HNRNPM: variants seen among roughly 807,000 people sequenced by gnomAD.
The protein encoded by HNRNPM is CEA receptor.
Under a neutral mutation model 73.1 loss-of-function variants are expected in HNRNPM, and 11 were observed. That is an observed-to-expected ratio of 0.15 (90% confidence interval 0.09 to 0.25). The LOEUF is 0.25. Among genes scored for constraint, HNRNPM ranks in the 10% least tolerant of loss-of-function variants. The pLI is 1.00. For missense variants in HNRNPM, 789 were observed against 1,067.9 expected (o/e 0.74, Z 3.64); for synonymous variants, 407 against 355.2 (o/e 1.15, Z -1.64).
chr19:8,451,954 A>C (rs1968662028), intron 1 of HNRNPM, among the ~76,000 whole-genome samples: 1 of 152,208 alleles, frequency 6.6e-6, no homozygotes, highest in Non-Finnish European at 1.5e-5. Context: ...AAATGACAAG[A>C]GATAGTTCTA....
Position 8,462,473 on chromosome 19 carries a change from T to G in HNRNPM, c.284-56T>G. On this transcript the variant is annotated intron_variant, in intron 2 of 15. Transcript: ENST00000325495. This position sits in a 1 kb window ranked among gnomAD's most constrained non-coding sequence, Gnocchi z 4.5. ...TGCTGATGATTGTTCTAAATTCCCA[T>G]TGTTTTCTTGGCTTTTCTCCCTTGG... 6.9e-7 allele frequency: 1 copy of G among 1,457,102 alleles called. No individual in the cohort carries two copies. The highest frequency in any genetic ancestry group is 9.6e-7 in the Non-Finnish European group (1 of 1,036,896). 90.3% of individuals were successfully genotyped at this position (1,457,102 alleles called of 1,614,324 possible). A position where few individuals can be genotyped will look rare whatever the true frequency, so the allele number is the denominator to read the frequency against.
At chr19:8,456,104 C>T (rs969068400) in intron 2 of HNRNPM, among the ~76,000 whole-genome samples, 1 of 151,988 alleles carries the variant, frequency 6.6e-6, no homozygotes, top group African/African-American at 2.4e-5. Context: ...TAGGCTTTTT[C>T]CCCTCTGGGA....
chr19:8,480,325 CAG>C (rs1463699548), intron 12 of HNRNPM, among the ~76,000 whole-genome samples: 2 of 124,012 alleles, frequency 1.6e-5, no homozygotes, highest in African/African-American at 5.9e-5. Flanking sequence ...GCCTGGGTGA[CAG>C]AGTGAGACTC....
At position 8,488,936 on chromosome 19, in the gene HNRNPM, T is replaced by G. The variant is rs1186392685; in HGVS notation, c.*82T>G. Reference sequence around the variant, plus strand: ...TAACCATTTTAATTTGTTGGCTGGATGTATAAAGATGTTTAAAAAATTCAG... The same window carrying G: ...TAACCATTTTAATTTGTTGGCTGGAGGTATAAAGATGTTTAAAAAATTCAG... On this transcript the variant is annotated 3_prime_UTR_variant, in exon 16 of 16. Transcript: ENST00000325495. 1.0e-5 allele frequency: 13 copies of G among 1,246,740 alleles called. No homozygotes were observed. Among genetic ancestry groups the G allele is most frequent in the Non-Finnish European group, 1.3e-5 (12 of 900,358 alleles). 77.2% of individuals were successfully genotyped at this position (1,246,740 alleles called of 1,614,324 possible).
At position 8,463,491 on chromosome 19, in the gene HNRNPM, C is replaced by A. The variant is rs762641915; in HGVS notation, c.337-6C>A. 4.3e-6 allele frequency: 7 copies of A among 1,614,040 alleles called. No individual in the cohort carries two copies. The highest frequency in any genetic ancestry group is 5.9e-6 in the Non-Finnish European group (7 of 1,179,936). On this transcript the variant is annotated splice_polypyrimidine_tract_variant and splice_region_variant and intron_variant, in intron 3 of 15. Coordinates refer to ENST00000325495, the MANE Select transcript of HNRNPM (RefSeq NM_005968.5). ...TCTTCTGACTGGTCTCTGGCTTCCT[C>A]CAAAGGGATGTGCGTAAGTATCGTC...
chr19:8,445,391 A>T (rs1968072953), intron 1 of HNRNPM: 1 of 316,622 alleles, frequency 3.2e-6, no homozygotes, highest in Non-Finnish European at 5.8e-6. Context: ...GCTGCTGCGC[A>T]TGGGGGTTGA....
chr19:8,445,377 C>T (rs1450901237), intron 1 of HNRNPM: 1 of 347,010 alleles, frequency 2.9e-6, no homozygotes, highest in Non-Finnish European at 5.2e-6. Context: ...AGGCCTCAGG[C>T]CCAGCTGCTG....
At chr19:8,474,290 T>C (rs376060793) in intron 12 of HNRNPM, 46 bp downstream of exon 12, 8 of 1,415,368 alleles carry the variant, frequency 5.7e-6, no homozygotes, top group African/African-American at 1.5e-5. Flanking sequence ...CTTTGCCGGC[T>C]GTTGCCTCTC....
At chr19:8,457,541 C>T (rs1183187665) in intron 2 of HNRNPM, among the ~76,000 whole-genome samples, 1 of 152,118 alleles carries the variant, frequency 6.6e-6, no homozygotes, top group Admixed American at 6.5e-5. Context: ...TAGAGCTCCC[C>T]TGTACTGGTT....
intron 7 of HNRNPM, among the ~76,000 whole-genome samples, chr19:8,467,003 A>G (rs987657183): frequency 1.3e-5 from 2 of 152,074 alleles, no homozygotes; most frequent in South Asian, 4.2e-4. Context: ...CTAGAGAGAA[A>G]GTGGGGTTGT....
At chr19:8,488,642 C>T in intron 15 of HNRNPM, 49 bp from the exon 16 acceptor site, 1 of 1,565,918 alleles carries the variant, frequency 6.4e-7, no homozygotes, top group Non-Finnish European at 8.7e-7. Flanking sequence ...CCACCAAAAT[C>T]TAACAAAATC....
intron 1 of HNRNPM, among the ~76,000 whole-genome samples, chr19:8,447,931 C>G (rs1453269079): frequency 6.6e-6 from 1 of 152,134 alleles, no homozygotes; most frequent in Non-Finnish European, 1.5e-5. Context: ...GAGGCTGAGG[C>G]AGGAGAATGG....
chr19:8,445,053 G>C lies in HNRNPM; in HGVS notation c.55G>C (p.Glu19Gln). 1 of 1,430,572 alleles carries C rather than the reference G, an allele frequency of 7.0e-7. No individual in the cohort carries two copies. The highest frequency in any genetic ancestry group is 9.1e-7 in the Non-Finnish European group (1 of 1,095,626). 88.6% of individuals were successfully genotyped at this position (1,430,572 alleles called of 1,614,324 possible). A position where few individuals can be genotyped will look rare whatever the true frequency, so the allele number is the denominator to read the frequency against. The stretch of plus-strand genomic sequence containing the variant: ...GGTGGCGGCGACGGAGATCAAAATG[G>C]AGGAAGAGAGCGGCGCGCCCGGCGT... ...AEVAATEIKMEEESGAPGVPS... is the reference protein window; with the variant it reads ...AEVAATEIKMQEESGAPGVPS... Residue 19 changes from glutamate (E) to glutamine (Q), a missense_variant, in exon 1 of 16, where the codon GAG becomes CAG. By Grantham distance (29) the Glu-to-Gln change is conservative (BLOSUM62 2). Transcript: ENST00000325495.
chr19:8,486,567 A>C (rs1971326475), intron 14 of HNRNPM, among the ~76,000 whole-genome samples, 162 bp downstream of exon 14: 1 of 152,188 alleles, frequency 6.6e-6, no homozygotes, highest in African/African-American at 2.4e-5. Context: ...AAGGAATGTG[A>C]GAACTGTGGG....
chr19:8,454,748 T>C (rs1968884350), intron 1 of HNRNPM, among the ~76,000 whole-genome samples: 1 of 141,518 alleles, frequency 7.1e-6, no homozygotes, highest in South Asian at 2.4e-4. Flanking sequence ...GGCCTATGTG[T>C]ACTACCTCAT....
In HNRNPM at chr19:8,445,019, G is replaced by T; in HGVS notation, c.21G>T (p.Ala7=). The change falls in exon 1 of 16, where the codon GCG becomes GCT. Residue 7 remains alanine (A), a synonymous_variant. Transcript: ENST00000325495. ...AGAAAATGGCGGCAGGGGTCGAAGC[G>T]GCGGCGGAGGTGGCGGCGACGGAGA... MAAGVE[A]AAEVAATEIK... is the part of the protein sequence containing the mutation. The T allele has an allele frequency of 7.0e-7, 1 of 1,424,182 alleles. No homozygotes were observed. Among genetic ancestry groups the T allele is most frequent in the South Asian group, 1.6e-5 (1 of 62,996 alleles). 88.2% of individuals were successfully genotyped at this position (1,424,182 alleles called of 1,614,324 possible).
intron 1 of HNRNPM, among the ~76,000 whole-genome samples, chr19:8,450,693 TTTTAA>T (rs1184783708): frequency 2.7e-5 from 4 of 149,380 alleles, no homozygotes; most frequent in African/African-American, 7.3e-5. Context: ...TTAATCGTAT[TTTTAA>T]TTTAATTTAA....
intron 6 of HNRNPM, among the ~76,000 whole-genome samples, chr19:8,465,808 A>G (rs1011713789): frequency 5.9e-5 from 9 of 152,284 alleles, no homozygotes; most frequent in Middle Eastern, 3.4e-3. Flanking sequence ...GGTGCAGAGT[A>G]AGACTGTACG....
intron 15 of HNRNPM, 37 bp from the exon 16 acceptor site, chr19:8,488,654 G>C: frequency 1.9e-6 from 3 of 1,586,238 alleles, no homozygotes; most frequent in Non-Finnish European, 2.6e-6. Flanking sequence ...AACAAAATCG[G>C]GACTGAGTGT....
Sources: allele counts gnomAD v4.1 joint callset (sites outside exome capture counted in the v4.1 genomes callset), GRCh38; gene constraint gnomAD v4.1.1; non-coding constraint Gnocchi (gnomAD v3.1); transcripts MANE v1.5; gene names NCBI Gene and HGNC (gene_info 2026-07-23, HGNC 2026-07-21).